DMTF1: variants seen among roughly 807,000 people sequenced by gnomAD.
DMTF1 encodes the protein cyclin D binding myb like transcription factor 1.
Under a neutral mutation model 91.1 loss-of-function variants are expected in DMTF1, and 39 were observed. That is an observed-to-expected ratio of 0.43 (90% CI 0.33 to 0.56). DMTF1 has a LOEUF of 0.56. Among genes scored for constraint, DMTF1 ranks in the 20% least tolerant of loss-of-function variants. The pLI, the probability that DMTF1 is intolerant of heterozygous loss-of-function variation, is 0.05. For missense variants in DMTF1, 750 were observed against 914.5 expected (o/e 0.82, Z 2.32); for synonymous variants, 338 against 309.5 (o/e 1.09, Z -0.97).
At chr7:87,175,104 C>T (rs559071259) in intron 7 of DMTF1, among the ~76,000 whole-genome samples, 13 of 151,716 alleles carry the variant, frequency 8.6e-5, no homozygotes, top group Admixed American at 5.9e-4. Context: ...CTGCAACCTC[C>T]GTCTCTTGGG....
chr7:87,175,372 TAAA>T (rs747472790), intron 7 of DMTF1, among the ~76,000 whole-genome samples: 1 of 152,100 alleles, frequency 6.6e-6, no homozygotes, highest in South Asian at 2.1e-4. Flanking sequence ...CCTTACCTTT[TAAA>T]AAAAATCAAA....
chr7:87,170,763 G>A (rs1227972034), intron 4 of DMTF1, among the ~76,000 whole-genome samples: 2 of 152,130 alleles, frequency 1.3e-5, no homozygotes, highest in African/African-American at 4.8e-5. Context: ...CATGAAGAAA[G>A]GATTTTTGTT....
At chr7:87,171,174 C>A in intron 5 of DMTF1, 85 bp downstream of exon 5, 1 of 928,468 alleles carries the variant, frequency 1.1e-6, no homozygotes. Context: ...CCTCAGCCTC[C>A]CAAGTAGCGA....
At chr7:87,168,547 T>C (rs1794352121) in intron 4 of DMTF1, among the ~76,000 whole-genome samples, 1 of 152,210 alleles carries the variant, frequency 6.6e-6, no homozygotes. Flanking sequence ...CCTTTCTTTC[T>C]TTTTTACCCT....
At chr7:87,194,294 T>TTCTA in intron 16 of DMTF1, 192 bp downstream of exon 16, 1 of 607,274 alleles carries the variant, frequency 1.6e-6, no homozygotes, top group Non-Finnish European at 2.7e-6. Context: ...GAAAACCATG[T>TTCTA]TCTATCTTAC....
chr7:87,195,041 CCAA>C lies in DMTF1; in HGVS notation c.2187_2189del (p.Gln729del), dbSNP rs1343041813. ...TGAAACTCATTACAGATCCCATACTCCAACATCATCAGGAAGAATCAAATATCA... is the reference window on the plus strand; with the variant it reads ...TGAAACTCATTACAGATCCCATACTCCATCATCAGGAAGAATCAAATATCA... On this transcript the variant is annotated inframe_deletion, in exon 18 of 18. Coordinates refer to ENST00000331242, the MANE Select transcript of DMTF1 (RefSeq NM_001142327.2). The C allele has an allele frequency of 6.2e-7, 1 of 1,610,916 alleles. No homozygotes were observed. The highest frequency in any genetic ancestry group is 1.3e-5 in the African/African-American group (1 of 74,702).
chr7:87,157,846 GTTTTT>G (rs199764964), intron 1 of DMTF1, among the ~76,000 whole-genome samples: 2 of 143,580 alleles, frequency 1.4e-5, no homozygotes, highest in African/African-American at 5.1e-5. Flanking sequence ...AAGGTTATGT[GTTTTT>G]TTTTTTAAGC....
At chr7:87,192,154 T>C (rs1395317384) in intron 14 of DMTF1, among the ~76,000 whole-genome samples, 1 of 152,096 alleles carries the variant, frequency 6.6e-6, no homozygotes, top group Non-Finnish European at 1.5e-5. Flanking sequence ...TTTTTACTTA[T>C]GGGGTCACAA....
At chr7:87,157,311 C>G (rs1791013731) in intron 1 of DMTF1, among the ~76,000 whole-genome samples, 1 of 152,088 alleles carries the variant, frequency 6.6e-6, no homozygotes, top group South Asian at 2.1e-4. Context: ...CATGTGGTCT[C>G]ATCCCATGTT....
intron 13 of DMTF1, among the ~76,000 whole-genome samples, chr7:87,189,426 C>T (rs1799235103): frequency 6.6e-6 from 1 of 152,058 alleles, no homozygotes; most frequent in Admixed American, 6.6e-5. Context: ...AATTACTAGT[C>T]CAAGTAAATA....
At chr7:87,175,952 ATCTT>A (rs566605071) in intron 7 of DMTF1, among the ~76,000 whole-genome samples, 218 of 152,318 alleles carry the variant, frequency 1.4e-3, no homozygotes, top group Non-Finnish European at 2.3e-3. Flanking sequence ...TCTCAAGGAA[ATCTT>A]TCTAGAGACT....
chr7:87,154,339 G>A (rs1790123369), intron 1 of DMTF1: 1 of 152,466 alleles, frequency 6.6e-6, no homozygotes, highest in African/African-American at 2.4e-5. Flanking sequence ...CTCGATACTA[G>A]GTGCTTCTGT....
intron 5 of DMTF1, among the ~76,000 whole-genome samples, chr7:87,172,275 T>G (rs761731448): frequency 1.3e-4 from 20 of 152,302 alleles, no homozygotes; most frequent in Non-Finnish European, 2.4e-4. Context: ...CCCTCTTGAT[T>G]TAAAAAATCA....
At chr7:87,190,864 T>C (rs771858315) in intron 13 of DMTF1, 81 bp from the exon 14 acceptor site, 49 of 1,165,474 alleles carry the variant, frequency 4.2e-5, no homozygotes, top group Non-Finnish European at 6.0e-5. Context: ...TTATGATAAT[T>C]GAGTACACTA....
chr7:87,181,987 T>C (rs1257062506), intron 9 of DMTF1: 2 of 1,495,456 alleles, frequency 1.3e-6, no homozygotes, highest in South Asian at 1.2e-5. Flanking sequence ...TGAACACATA[T>C]CCAAGTTACT....
Position 87,178,773 on chromosome 7 carries a change from C to CT in DMTF1, c.520-758dup, listed in dbSNP as rs34451577. Among the ~76,000 whole-genome samples the CT allele has an allele frequency of 4.4e-3, 650 of 146,482 alleles. 2 individuals carry two copies. Among genetic ancestry groups the CT allele is most frequent in the Admixed American group, 0.017 (256 of 14,794 alleles). On this transcript the variant is annotated intron_variant, in intron 7 of 17. Coordinates refer to ENST00000331242, the MANE Select transcript of DMTF1 (RefSeq NM_001142327.2). ...TAAAATAAGCAAAGAAATGTACCCA[C>CT]TTTTTTTTTTTTTTAAACTTTTGAT...
chr7:87,175,920 A>C (rs1359284509), intron 7 of DMTF1, among the ~76,000 whole-genome samples: 12 of 152,186 alleles, frequency 7.9e-5, no homozygotes. Flanking sequence ...TTGAGTAAGA[A>C]ATTGGTGGGG....
chr7:87,166,279 C>T lies in DMTF1; in HGVS notation c.110-204C>T, dbSNP rs563556445. Among the ~76,000 whole-genome samples, 9 of 152,262 alleles carry T rather than the reference C, an allele frequency of 5.9e-5. No individual in the cohort carries two copies. The South Asian group carries it at 1.2e-3, about 21-fold the overall frequency. ...CCCTTCTCTTTCAAGTTTAAGACAC[C>T]GCCTTGAGGAGTTGAATACTGCATT... On this transcript the variant is annotated intron_variant, in intron 3 of 17. Coordinates refer to ENST00000331242, the MANE Select transcript of DMTF1 (RefSeq NM_001142327.2).
rs751271276 is a variant in DMTF1 at position 87,179,697 on chromosome 7, G to A, written c.672G>A (p.Val224=). ...VLRMYDDRNH[V]GKYTPEEIEK... Reference sequence around the variant, plus strand: ...GCATGTATGATGACAGAAACCATGTGGGAAAGTATGAGAACTTGTAATGCT... The same window carrying A: ...GCATGTATGATGACAGAAACCATGTAGGAAAGTATGAGAACTTGTAATGCT... The change falls in exon 8 of 18, where the codon GTG becomes GTA. Residue 224 remains valine (V), a synonymous_variant. Coordinates refer to ENST00000331242, the MANE Select transcript of DMTF1 (RefSeq NM_001142327.2). 6.4e-7 allele frequency: 1 copy of A among 1,569,228 alleles called. No homozygotes were observed.
Sources: gnomAD v4.1 joint callset for allele counts (sites outside exome capture counted in the v4.1 genomes callset) on GRCh38, gnomAD v4.1.1 for gene constraint, MANE v1.5 for transcripts, NCBI Gene and HGNC (gene_info 2026-07-23, HGNC 2026-07-21) for gene names.